Variants in TMEM74 observed in about 807,000 individuals in gnomAD.
TMEM74 encodes transmembrane protein 74.
Under a neutral mutation model 18.1 loss-of-function variants are expected in TMEM74, and 13 were observed. The observed-to-expected ratio is 0.72, with a 90% CI of 0.47 to 1.14. The LOEUF (loss-of-function observed/expected upper bound fraction) is 1.14. Ranked by LOEUF, TMEM74 falls within the 50% of genes most tolerant of loss-of-function variation. The pLI is 0.00. For synonymous variants in TMEM74, 159 were observed against 146.6 expected (o/e 1.08, Z -0.61); for missense variants, 372 against 375.9 (o/e 0.99, Z 0.09).
intron 1 of TMEM74, among the ~76,000 whole-genome samples, 151 bp downstream of exon 1, chr8:108,787,325 G>A (rs753287125): frequency 4.6e-5 from 7 of 152,142 alleles, no homozygotes; most frequent in African/African-American, 1.7e-4. Flanking sequence ...TGAACTCTGC[G>A]CCCACTGAGG....
chr8:108,759,228 C>G (rs901452526), intron 1 of TMEM74, among the ~76,000 whole-genome samples: 5 of 151,906 alleles, frequency 3.3e-5, no homozygotes, highest in Non-Finnish European at 5.9e-5. Flanking sequence ...TTAAAAAACA[C>G]AATTATCTGT....
At chr8:108,674,958 C>T (rs1813041971) in intron 1 of TMEM74, among the ~76,000 whole-genome samples, 1 of 152,184 alleles carries the variant, frequency 6.6e-6, no homozygotes, top group African/African-American at 2.4e-5. Flanking sequence ...AAGGATTTAT[C>T]ATTTCCAATC....
At chr8:108,751,483 C>T (rs563681112) in intron 1 of TMEM74, among the ~76,000 whole-genome samples, 1 of 151,966 alleles carries the variant, frequency 6.6e-6, no homozygotes, top group African/African-American at 2.4e-5. Flanking sequence ...TTAGAAAACA[C>T]AAGATAGTAT....
At chr8:108,702,076 G>A (rs1226623012) in intron 1 of TMEM74, among the ~76,000 whole-genome samples, 2 of 152,110 alleles carry the variant, frequency 1.3e-5, no homozygotes, top group African/African-American at 4.8e-5. Flanking sequence ...CAGGCATGGT[G>A]GCTCATGCTG....
rs951226869 is a variant in TMEM74 at position 108,783,397 on chromosome 8, T to C, written c.*784A>G. On this transcript the variant is annotated 3_prime_UTR_variant, in exon 2 of 2. Coordinates refer to ENST00000297459, the MANE Select transcript of TMEM74 (RefSeq NM_153015.3). The stretch of plus-strand genomic sequence containing the variant: ...AACCAGCAGACTTCAAGAGCACAGA[T>C]AACCAGTATGATGGCAAAATCACAA... The C allele has an allele frequency of 2.0e-5, 3 of 152,308 alleles. No homozygotes were observed. The highest frequency in any genetic ancestry group is 6.5e-5 in the Admixed American group (1 of 15,284). 9.4% of individuals were successfully genotyped at this position (152,308 alleles called of 1,614,324 possible). A position where few individuals can be genotyped will look rare whatever the true frequency, so the allele number is the denominator to read the frequency against.
intron 1 of TMEM74, among the ~76,000 whole-genome samples, chr8:108,743,764 T>C (rs1813823689): frequency 1.3e-5 from 2 of 152,172 alleles, no homozygotes; most frequent in African/African-American, 4.8e-5. Flanking sequence ...CAGCTCAGTT[T>C]ATTTTTGCAC....
chr8:108,648,581 C>A (rs1036086974), intron 2 of TMEM74, among the ~76,000 whole-genome samples: 1 of 152,026 alleles, frequency 6.6e-6, no homozygotes, highest in Non-Finnish European at 1.5e-5. Flanking sequence ...ATTATAATCA[C>A]AAGGGAGACA....
chr8:108,614,195 A>G (rs979502507), intron 2 of TMEM74, among the ~76,000 whole-genome samples: 15 of 152,156 alleles, frequency 9.9e-5, no homozygotes, highest in Non-Finnish European at 1.3e-4. Context: ...AAAAATATTT[A>G]TGCAACAATT....
chr8:108,657,842 C>CAAAAAAAA (rs1157229913), intron 1 of TMEM74, among the ~76,000 whole-genome samples: 2 of 16,682 alleles, frequency 1.2e-4, no homozygotes, highest in African/African-American at 6.1e-4. Context: ...GACACCGTCT[C>CAAAAAAAA]AAAAAAAAAA....
intron 2 of TMEM74, among the ~76,000 whole-genome samples, chr8:108,654,023 T>TA (rs1185744605): frequency 1.3e-5 from 2 of 152,134 alleles, no homozygotes; most frequent in Admixed American, 1.3e-4. Context: ...CTTACATAAA[T>TA]AAAAAATATT....
At chr8:108,647,633 G>A (rs1812733287) in intron 2 of TMEM74, among the ~76,000 whole-genome samples, 1 of 152,016 alleles carries the variant, frequency 6.6e-6, no homozygotes, top group African/African-American at 2.4e-5. Flanking sequence ...TATAATCAGA[G>A]TTTATAGAAT....
chr8:108,686,025 T>G (rs929597717), intron 1 of TMEM74, among the ~76,000 whole-genome samples: 9 of 152,114 alleles, frequency 5.9e-5, no homozygotes, highest in Non-Finnish European at 8.8e-5. Context: ...TAATTAAACT[T>G]AAATAAATGT....
chr8:108,726,323 G>C (rs149769399), intron 1 of TMEM74, among the ~76,000 whole-genome samples: 1 of 152,290 alleles, frequency 6.6e-6, no homozygotes, highest in East Asian at 1.9e-4. Flanking sequence ...ATGAGTTTAT[G>C]TGTCACTTGG....
Position 108,683,903 on chromosome 8 carries a change from C to T in TMEM74, n.120-28466G>A, listed in dbSNP as rs970486545. 1.8e-4 allele frequency among the ~76,000 whole-genome samples: 28 copies of T among 151,994 alleles called. 1 individual carries two copies. Among genetic ancestry groups the T allele is most frequent in the Non-Finnish European group, 1.8e-4 (12 of 67,906 alleles). On this transcript the variant is annotated intron_variant and non_coding_transcript_variant, in intron 1 of 3. Coordinates refer to the TMEM74 transcript ENST00000518838. ...TCACTTAACATGATGTATCTCAGTT[C>T]CATCCATGCTGCTGCAAGTGACAGA...
At chr8:108,730,173 T>G (rs1358455565) in intron 1 of TMEM74, among the ~76,000 whole-genome samples, 3 of 152,118 alleles carry the variant, frequency 2.0e-5, no homozygotes, top group African/African-American at 4.8e-5. Flanking sequence ...CAAGGTCAAA[T>G]AAAAGCCTAT....
chr8:108,674,773 G>T (rs1813037106), intron 1 of TMEM74, among the ~76,000 whole-genome samples: 3 of 152,194 alleles, frequency 2.0e-5, no homozygotes. Context: ...CACTCACATT[G>T]TCCTCTATGT....
chr8:108,713,657 A>G (rs58183118), intron 1 of TMEM74, among the ~76,000 whole-genome samples: 22,897 of 152,206 alleles, frequency 0.15, 2,010 homozygotes, highest in East Asian at 0.31. Flanking sequence ...TACATATACC[A>G]TGTTAAAATT....
rs576055617 is a variant in TMEM74, at chr8:108,783,567, A to T, written c.*614T>A. 6.6e-6 allele frequency: 1 copy of T among 152,356 alleles called. No homozygotes were observed. The highest frequency in any genetic ancestry group is 1.9e-4 in the East Asian group (1 of 5,188). 9.4% of individuals were successfully genotyped at this position (152,356 alleles called of 1,614,324 possible). ...ATAATTTTTTTTTATTAGAAAGTTTATCCTAATGACTTAATTACCATTTTT... is the reference window on the plus strand; with the variant it reads ...ATAATTTTTTTTTATTAGAAAGTTTTTCCTAATGACTTAATTACCATTTTT... On this transcript the variant is annotated 3_prime_UTR_variant, in exon 2 of 2. Transcript: ENST00000297459.
chr8:108,719,644 T>G (rs73307858), intron 1 of TMEM74, among the ~76,000 whole-genome samples: 2,367 of 152,230 alleles, frequency 0.016, 36 homozygotes, highest in African/African-American at 0.033. Context: ...AGTTTAAATA[T>G]CCAAACTGGA....
Sources: allele counts gnomAD v4.1 joint callset (sites outside exome capture counted in the v4.1 genomes callset), GRCh38; gene constraint gnomAD v4.1.1; transcripts MANE v1.5; gene names NCBI Gene and HGNC (gene_info 2026-07-23, HGNC 2026-07-21).